ZC3H18: variants seen among roughly 807,000 people sequenced by gnomAD.
The protein encoded by ZC3H18 is zinc finger CCCH domain-containing protein 18.
Under a neutral mutation model 106.1 loss-of-function variants are expected in ZC3H18, and 8 were observed. The ratio of observed to expected loss-of-function variants is 0.08; its 90% CI spans 0.04 to 0.14. The LOEUF (loss-of-function observed/expected upper bound fraction) is 0.14. Ranked by LOEUF, ZC3H18 falls within the 10% of genes least tolerant of loss-of-function variation. The pLI, the probability that ZC3H18 is intolerant of heterozygous loss-of-function variation, is 1.00. For missense variants in ZC3H18, 1,318 were observed against 1,278.4 expected (o/e 1.03, Z -0.47); for synonymous variants, 635 against 522.1 (o/e 1.22, Z -2.95).
chr16:88,593,220 C>G (rs1427207744), intron 3 of ZC3H18, among the ~76,000 whole-genome samples: 1 of 152,158 alleles, frequency 6.6e-6, no homozygotes, highest in Non-Finnish European at 1.5e-5. Flanking sequence ...GACCTCCTGC[C>G]AATGCGTCAG....
intron 5 of ZC3H18, among the ~76,000 whole-genome samples, chr16:88,599,141 G>A (rs1006444262): frequency 6.6e-6 from 1 of 152,242 alleles, no homozygotes; most frequent in African/African-American, 2.4e-5. Context: ...ACCCCAGCTG[G>A]CACTGCCCAG....
intron 9 of ZC3H18, chr16:88,623,008 G>A (rs554630396): frequency 3.1e-5 from 21 of 675,520 alleles, no homozygotes; most frequent in Middle Eastern, 8.6e-4. Context: ...TCTAAATGCC[G>A]TTCTGCACCA....
intron 1 of ZC3H18, 37 bp downstream of exon 1, chr16:88,570,603 CGGCGGCGGCGGGAGGAGGAGGCCGCCGA>C (rs1304149329): frequency 2.7e-5 from 4 of 150,890 alleles, no homozygotes; most frequent in East Asian, 3.9e-4. Context: ...GAGGCCGGGC[CGGCGGCGGCGGGAGGAGGAGGCCGCCGA>C]GGCGGCGGCG....
At chr16:88,593,616 C>T in intron 3 of ZC3H18, among the ~76,000 whole-genome samples, 1 of 152,210 alleles carries the variant, frequency 6.6e-6, no homozygotes, top group Admixed American at 6.5e-5. Flanking sequence ...CCAAGTCCAG[C>T]GGCCTCAAGG....
At chr16:88,620,744 A>G (rs1905907028) in intron 8 of ZC3H18, among the ~76,000 whole-genome samples, 2 of 152,168 alleles carry the variant, frequency 1.3e-5, no homozygotes, top group Non-Finnish European at 1.5e-5. Context: ...ATAACCCACC[A>G]AGAACCTGTA....
intron 13 of ZC3H18, chr16:88,625,949 A>T (rs542272107): frequency 1.4e-5 from 2 of 147,220 alleles, no homozygotes; most frequent in African/African-American, 5.1e-5. Flanking sequence ...CAGCCCCCTG[A>T]GTAGCTGAGA....
chr16:88,608,282 G>A (rs1331557847), intron 6 of ZC3H18, among the ~76,000 whole-genome samples: 3 of 152,194 alleles, frequency 2.0e-5, no homozygotes, highest in Non-Finnish European at 4.4e-5. Context: ...CAGTGAGTAA[G>A]GTGCTGACTT....
At chr16:88,609,713 C>G (rs1905183115) in intron 7 of ZC3H18, among the ~76,000 whole-genome samples, 1 of 152,182 alleles carries the variant, frequency 6.6e-6, no homozygotes, top group East Asian at 1.9e-4. Context: ...AATTCTCCTG[C>G]CTCAGCCTCC....
intron 1 of ZC3H18, among the ~76,000 whole-genome samples, chr16:88,573,388 C>G (rs966743709): frequency 2.6e-5 from 4 of 152,070 alleles, no homozygotes; most frequent in African/African-American, 4.8e-5. Context: ...CGGTGACTTA[C>G]TGCCACAACC....
chr16:88,594,759 G>A (rs12446401), intron 3 of ZC3H18, among the ~76,000 whole-genome samples: 13,146 of 152,052 alleles, frequency 0.086, 636 homozygotes, highest in Middle Eastern at 0.099. Context: ...TTTTAGAGTG[G>A]GTGGGTATTT....
intron 2 of ZC3H18, among the ~76,000 whole-genome samples, chr16:88,584,830 G>C (rs1252852746): frequency 6.6e-6 from 1 of 152,160 alleles, no homozygotes; most frequent in Non-Finnish European, 1.5e-5. Context: ...TGCTACATCT[G>C]ATCTAGTTTG....
intron 8 of ZC3H18, among the ~76,000 whole-genome samples, chr16:88,616,515 C>A (rs1487388831): frequency 6.6e-6 from 1 of 152,202 alleles, no homozygotes; most frequent in Non-Finnish European, 1.5e-5. Context: ...TTTGCGGGAG[C>A]CCTGCCAGGC....
chr16:88,571,140 T>G (rs1472912625), intron 1 of ZC3H18, among the ~76,000 whole-genome samples: 1 of 152,224 alleles, frequency 6.6e-6, no homozygotes, highest in Non-Finnish European at 1.5e-5. Flanking sequence ...GTCCTTTATA[T>G]AGACCAACTG....
intron 6 of ZC3H18, among the ~76,000 whole-genome samples, chr16:88,607,157 G>C (rs771013367): frequency 6.6e-5 from 10 of 152,186 alleles, no homozygotes; most frequent in Non-Finnish European, 1.0e-4. Context: ...GTTCAATGAA[G>C]AATCCCCTCT....
chr16:88,595,766 A>C (rs1471962601), intron 3 of ZC3H18, among the ~76,000 whole-genome samples: 1 of 150,792 alleles, frequency 6.6e-6, no homozygotes, highest in Admixed American at 6.6e-5. Flanking sequence ...AGGTCGCTCC[A>C]CTGCACTCCA....
chr16:88,618,380 C>T (rs1252666877), intron 8 of ZC3H18, among the ~76,000 whole-genome samples: 2 of 152,234 alleles, frequency 1.3e-5, no homozygotes, highest in African/African-American at 4.8e-5. Context: ...TGAGCAGGCT[C>T]AGCCCGGGGA....
rs932718004 is a variant in ZC3H18, at chr16:88,611,322, C to T, written c.1261C>T (p.Arg421Trp). The T allele has an allele frequency of 2.0e-5, 13 of 660,978 alleles. No individual in the cohort carries two copies. Among genetic ancestry groups the T allele is most frequent in the African/African-American group, 5.6e-5 (3 of 53,438 alleles). 40.9% of individuals were successfully genotyped at this position (660,978 alleles called of 1,614,324 possible). ...ENRQRERERE[R>W]ERDRERERRQ... is the part of the protein sequence containing the mutation. ...CAGACAGCGCGAGCGCGAGCGGGAG[C>T]GGGAGCGGGACCGAGAGCGGGAGCG... is the stretch of plus-strand genomic sequence containing the variant. Residue 421 changes from arginine to tryptophan, a missense_variant, in exon 8 of 18, where the codon CGG (arginine) becomes TGG (tryptophan). Transcript: ENST00000301011.
intron 9 of ZC3H18, 166 bp from the exon 10 acceptor site, chr16:88,623,053 C>A: frequency 1.1e-6 from 1 of 901,350 alleles, no homozygotes; most frequent in Non-Finnish European, 1.6e-6. Flanking sequence ...CTGGGGGAGG[C>A]TGTATGCGTC....
At position 88,622,295 on chromosome 16, in the gene ZC3H18, C is replaced by T. The variant is rs1567597694; in HGVS notation, c.1574C>T (p.Pro525Leu). 4 of 1,614,100 alleles carry T rather than the reference C, an allele frequency of 2.5e-6. No individual in the cohort carries two copies. Among genetic ancestry groups the T allele is most frequent in the Non-Finnish European group, 3.4e-6 (4 of 1,179,994 alleles). Residue 525 changes from proline to leucine, a missense_variant, in exon 9 of 18, where the codon CCC becomes CTC. Physicochemically the swap from Pro to Leu is moderately conservative, Grantham distance 98 (BLOSUM62 -3). Coordinates refer to ENST00000301011, the MANE Select transcript of ZC3H18 (RefSeq NM_144604.4). The stretch of plus-strand genomic sequence containing the variant: ...GACCCTTGGCGCCGATCCAAGTCTC[C>T]CAAGAAGAAACTCGGGGTGTCGGTC... ...WKDPWRRSKS[P>L]KKKLGVSVSP...
Sources: allele counts gnomAD v4.1 joint callset (sites outside exome capture counted in the v4.1 genomes callset), GRCh38; gene constraint gnomAD v4.1.1; transcripts MANE v1.5; gene names NCBI Gene and HGNC (gene_info 2026-07-23, HGNC 2026-07-21).